SND1: variants seen among roughly 807,000 people sequenced by gnomAD.
SND1 encodes staphylococcal nuclease and tudor domain containing 1.
In SND1, 38 loss-of-function variants were observed where a neutral mutation model predicts 121.7. The observed-to-expected ratio is 0.31, with a 90% confidence interval of 0.24 to 0.41. SND1 has a LOEUF of 0.41. Ranked by LOEUF, SND1 falls within the 10% of genes least tolerant of loss-of-function variation. SND1 has a pLI of 1.00. For missense variants in SND1, 868 were observed against 1,184.6 expected (o/e 0.73, Z 3.92); for synonymous variants, 401 against 447.4 (o/e 0.90, Z 1.31).
intron 16 of SND1, among the ~76,000 whole-genome samples, chr7:127,992,346 T>C (rs948289307): frequency 6.6e-6 from 1 of 152,192 alleles, no homozygotes; most frequent in African/African-American, 2.4e-5. Context: ...ATTTCAAAAA[T>C]CCAAACACTC....
At chr7:128,059,171 G>A (rs767324018) in intron 16 of SND1, among the ~76,000 whole-genome samples, 1 of 152,136 alleles carries the variant, frequency 6.6e-6, no homozygotes, top group Non-Finnish European at 1.5e-5. Context: ...CACCTGTGAA[G>A]TCCCATCCTT....
At chr7:127,669,224 C>T (rs1795472997) in intron 1 of SND1, among the ~76,000 whole-genome samples, 1 of 152,224 alleles carries the variant, frequency 6.6e-6, no homozygotes, top group East Asian at 1.9e-4. Context: ...AACTCTTGCT[C>T]AGGTGATCCG....
At chr7:128,005,079 T>C (rs1026883432) in intron 16 of SND1, among the ~76,000 whole-genome samples, 1 of 152,260 alleles carries the variant, frequency 6.6e-6, no homozygotes, top group Non-Finnish European at 1.5e-5. Flanking sequence ...TTTTGATTCT[T>C]GCTTTCCTGT....
At chr7:128,000,366 TTC>T (rs1468960235) in intron 16 of SND1, among the ~76,000 whole-genome samples, 2 of 94,002 alleles carry the variant, frequency 2.1e-5, no homozygotes, top group South Asian at 3.1e-4. Context: ...TTGCTTTTGC[TTC>T]TTTTTTTTTT....
chr7:127,883,951 G>T (rs1235620027), intron 12 of SND1, among the ~76,000 whole-genome samples: 1 of 152,022 alleles, frequency 6.6e-6, no homozygotes, highest in Admixed American at 6.6e-5. Flanking sequence ...CACTGTAAAG[G>T]TACTATTTTA....
chr7:128,030,683 T>G, intron 16 of SND1: 1 of 1,522,926 alleles, frequency 6.6e-7, no homozygotes, highest in Non-Finnish European at 8.8e-7. Context: ...GGATTTTGGC[T>G]CGGAAAGGAG....
intron 17 of SND1, 123 bp from the exon 18 acceptor site, chr7:128,081,237 C>G (rs990790321): frequency 8.6e-7 from 1 of 1,163,562 alleles, no homozygotes; most frequent in Non-Finnish European, 1.2e-6. Context: ...ACCTCGTGAT[C>G]CACCCGCCTC....
chr7:127,914,198 G>T (rs1800519264), intron 14 of SND1, among the ~76,000 whole-genome samples: 1 of 152,172 alleles, frequency 6.6e-6, no homozygotes, highest in Non-Finnish European at 1.5e-5. Flanking sequence ...AACATCCCCA[G>T]ATACTTCACC....
At chr7:127,662,725 T>C (rs1795336498) in intron 1 of SND1, among the ~76,000 whole-genome samples, 1 of 152,122 alleles carries the variant, frequency 6.6e-6, no homozygotes, top group South Asian at 2.1e-4. Flanking sequence ...CTTTGCCTTT[T>C]CTGTGGAGCG....
At chr7:127,857,402 A>G (rs534877227) in intron 12 of SND1, among the ~76,000 whole-genome samples, 1 of 134,516 alleles carries the variant, frequency 7.4e-6, no homozygotes, top group Non-Finnish European at 1.6e-5. Flanking sequence ...ACGGGGTTTC[A>G]CCATGTTGGC....
chr7:128,038,793 A>G (rs546317018), intron 16 of SND1, among the ~76,000 whole-genome samples: 4 of 152,292 alleles, frequency 2.6e-5, no homozygotes, highest in African/African-American at 7.2e-5. Context: ...AATATCTTAC[A>G]TAACCACAGA....
intron 18 of SND1, among the ~76,000 whole-genome samples, chr7:128,083,496 A>G (rs948469923): frequency 2.6e-5 from 4 of 152,236 alleles, no homozygotes; most frequent in African/African-American, 7.2e-5. Flanking sequence ...TTAAGAGTGG[A>G]CATACATCCC....
chr7:127,823,866 A>G (rs1328410675), intron 11 of SND1, among the ~76,000 whole-genome samples: 1 of 152,206 alleles, frequency 6.6e-6, no homozygotes, highest in Non-Finnish European at 1.5e-5. Context: ...GTTTATTTCT[A>G]ATCCCATAGG....
intron 9 of SND1, among the ~76,000 whole-genome samples, chr7:127,709,100 T>C (rs1364819392): frequency 6.6e-6 from 1 of 152,216 alleles, no homozygotes; most frequent in Non-Finnish European, 1.5e-5. Flanking sequence ...TTCCTTTTGG[T>C]AGGCATGAGT....
intron 10 of SND1, among the ~76,000 whole-genome samples, chr7:127,789,810 C>G (rs1797877899): frequency 6.6e-6 from 1 of 152,166 alleles, no homozygotes; most frequent in Admixed American, 6.5e-5. Flanking sequence ...TGCACTTTTA[C>G]TGGATCAAAA....
chr7:127,856,963 GA>G (rs1799286051), intron 12 of SND1, among the ~76,000 whole-genome samples: 1 of 152,014 alleles, frequency 6.6e-6, no homozygotes, highest in African/African-American at 2.4e-5. Flanking sequence ...TGCAGCTGTG[GA>G]AAGATCAGAT....
At chr7:127,940,166 A>T (rs984181972) in intron 15 of SND1, among the ~76,000 whole-genome samples, 1 of 151,986 alleles carries the variant, frequency 6.6e-6, no homozygotes, top group Admixed American at 6.6e-5. Context: ...GGGGGATGGA[A>T]TGGGAAACTT....
intron 11 of SND1, among the ~76,000 whole-genome samples, chr7:127,825,617 G>C (rs952511926): frequency 2.6e-5 from 4 of 151,044 alleles, no homozygotes; most frequent in African/African-American, 9.7e-5. Flanking sequence ...ATGTTGGCCA[G>C]GCTGGTCTTG....
At chr7:127,818,452 T>C (rs1798488545) in intron 11 of SND1, among the ~76,000 whole-genome samples, 1 of 152,176 alleles carries the variant, frequency 6.6e-6, no homozygotes, top group African/African-American at 2.4e-5. Context: ...TGGCTTGAAT[T>C]CTCTATTATT....
Sources: allele counts gnomAD v4.1 joint callset (sites outside exome capture counted in the v4.1 genomes callset), GRCh38; gene constraint gnomAD v4.1.1; transcripts MANE v1.5; gene names NCBI Gene and HGNC (gene_info 2026-07-23, HGNC 2026-07-21).